Variants in TEAD1 observed in about 807,000 individuals in gnomAD.
TEAD1 encodes the protein transcriptional enhancer factor TEF-1.
TEAD1 carries 9 observed loss-of-function variants against 54.9 expected under a neutral mutation model. That is an observed-to-expected ratio of 0.16 (90% CI 0.10 to 0.29). The LOEUF is 0.29. TEAD1 is among the 10% of genes least tolerant of loss of function. TEAD1 has a pLI of 1.00. For missense variants in TEAD1, 387 were observed against 535.9 expected (o/e 0.72, Z 2.74); for synonymous variants, 200 against 187.8 (o/e 1.07, Z -0.53).
chr11:12,769,279 C>T (rs1357441753), intron 3 of TEAD1, among the ~76,000 whole-genome samples: 1 of 152,112 alleles, frequency 6.6e-6, no homozygotes, highest in African/African-American at 2.4e-5. Flanking sequence ...GACCTGTGCC[C>T]TGCCCACCAG....
At chr11:12,812,434 A>G (rs1485751314) in intron 3 of TEAD1, among the ~76,000 whole-genome samples, 1 of 152,178 alleles carries the variant, frequency 6.6e-6, no homozygotes, top group Non-Finnish European at 1.5e-5. Context: ...AGATGGAAAC[A>G]CTGAACATGT....
At chr11:12,928,161 AC>A (rs1390899982) in intron 11 of TEAD1, among the ~76,000 whole-genome samples, 2 of 152,214 alleles carry the variant, frequency 1.3e-5, no homozygotes, top group African/African-American at 4.8e-5. Flanking sequence ...TGTATGAAAC[AC>A]CATAGCATTT....
chr11:12,900,812 G>A (rs551009712), intron 9 of TEAD1, among the ~76,000 whole-genome samples: 1 of 152,308 alleles, frequency 6.6e-6, no homozygotes, highest in Admixed American at 6.5e-5. Context: ...CTTGGAATGT[G>A]AGCAGACTTG....
At chr11:12,935,948 A>G (rs992495058) in intron 12 of TEAD1, among the ~76,000 whole-genome samples, 1 of 152,152 alleles carries the variant, frequency 6.6e-6, no homozygotes, top group African/African-American at 2.4e-5. Context: ...CTGCAAGACT[A>G]TTCTTTAAGT....
intron 2 of TEAD1, among the ~76,000 whole-genome samples, chr11:12,687,679 C>G (rs999664685): frequency 3.3e-5 from 5 of 152,118 alleles, no homozygotes; most frequent in African/African-American, 1.2e-4. Flanking sequence ...CTTGTGTTTT[C>G]TTGGTGGCCC....
chr11:12,857,785 C>T (rs1321819978), intron 3 of TEAD1, among the ~76,000 whole-genome samples: 1 of 151,990 alleles, frequency 6.6e-6, no homozygotes, highest in Non-Finnish European at 1.5e-5. Flanking sequence ...GAGGGCAGGG[C>T]TGTAGAAATA....
intron 11 of TEAD1, among the ~76,000 whole-genome samples, chr11:12,925,997 T>G (rs1252368996): frequency 6.6e-6 from 1 of 152,236 alleles, no homozygotes. Flanking sequence ...AGATGTATAT[T>G]TGTTTGATCA....
At chr11:12,873,503 C>T (rs952370725) in intron 5 of TEAD1, among the ~76,000 whole-genome samples, 3 of 152,120 alleles carry the variant, frequency 2.0e-5, no homozygotes, top group Non-Finnish European at 4.4e-5. Context: ...ATGGTAAAAG[C>T]CTTGAAAATT....
rs1453536699 is a variant in TEAD1 at position 12,813,230 on chromosome 11, A to T, written c.202+48796A>T. 2.6e-5 allele frequency among the ~76,000 whole-genome samples: 4 copies of T among 152,246 alleles called. 1 individual carries two copies. The highest frequency in any genetic ancestry group is 2.9e-5 in the Non-Finnish European group (2 of 68,010). ...GGAAGCAGCTTCCACCACTTTGGAT[A>T]TTTGGCAATTGGAGGTGGAAGGATG... On this transcript the variant is annotated intron_variant, in intron 3 of 12. Coordinates refer to ENST00000527636, the MANE Select transcript of TEAD1 (RefSeq NM_021961.6).
intron 9 of TEAD1, 52 bp downstream of exon 9, chr11:12,883,177 C>T (rs35211182): frequency 0.012 from 19,416 of 1,612,938 alleles, 135 homozygotes; most frequent in Non-Finnish European, 0.015. Flanking sequence ...TTTCCCTTTA[C>T]TGTTTACCTC....
chr11:12,878,048 C>A (rs894456705), intron 5 of TEAD1, among the ~76,000 whole-genome samples: 1 of 151,996 alleles, frequency 6.6e-6, no homozygotes, highest in Non-Finnish European at 1.5e-5. Context: ...CCCAAGTAAT[C>A]CTCCCACCTC....
chr11:12,761,314 GA>G (rs1270594422), intron 2 of TEAD1, among the ~76,000 whole-genome samples: 1 of 152,136 alleles, frequency 6.6e-6, no homozygotes, highest in Non-Finnish European at 1.5e-5. Context: ...TTCTTATATT[GA>G]GTTGGAATAT....
At chr11:12,832,391 T>TA in intron 3 of TEAD1, among the ~76,000 whole-genome samples, 1 of 152,240 alleles carries the variant, frequency 6.6e-6, no homozygotes, top group East Asian at 1.9e-4. Flanking sequence ...TCCTCAAAGC[T>TA]AAACTGTTTC....
intron 3 of TEAD1, among the ~76,000 whole-genome samples, chr11:12,774,115 C>T (rs12291695): frequency 0.36 from 55,050 of 151,996 alleles, 10,304 homozygotes; most frequent in South Asian, 0.61. Context: ...GCATGCTGTT[C>T]AGAGGCTCTG....
In TEAD1 at chr11:12,685,600, G is replaced by GA. The variant is rs1444912222; in HGVS notation, c.-55+10045dup. 2.6e-5 allele frequency among the ~76,000 whole-genome samples: 4 copies of GA among 152,036 alleles called. No individual in the cohort carries two copies. In the East Asian group the frequency reaches 7.7e-4, roughly 29 times the overall value. Reference sequence around the variant, plus strand: ...CCAGTTGGTTTTAGAGAGGAGCCAGGAAAAAACATATAGTTCGTTTCAAAG... The same window carrying GA: ...CCAGTTGGTTTTAGAGAGGAGCCAGGAAAAAAACATATAGTTCGTTTCAAAG... On this transcript the variant is annotated intron_variant, in intron 2 of 12. Coordinates refer to ENST00000527636, the MANE Select transcript of TEAD1 (RefSeq NM_021961.6).
chr11:12,789,127 A>G (rs756827033), intron 3 of TEAD1, among the ~76,000 whole-genome samples: 11 of 152,242 alleles, frequency 7.2e-5, no homozygotes, highest in Admixed American at 2.6e-4. Flanking sequence ...TGGAATTAAC[A>G]TTGTAAAAGT....
At chr11:12,890,967 G>A (rs556275144) in intron 9 of TEAD1, among the ~76,000 whole-genome samples, 2 of 152,190 alleles carry the variant, frequency 1.3e-5, no homozygotes, top group South Asian at 4.2e-4. Context: ...GTTTTGTCAT[G>A]TTGGCCAGGC....
intron 3 of TEAD1, among the ~76,000 whole-genome samples, chr11:12,841,109 C>T (rs985704155): frequency 6.6e-6 from 1 of 152,146 alleles, no homozygotes; most frequent in African/African-American, 2.4e-5. Flanking sequence ...CAGAGAGGGA[C>T]ACAGACCCAG....
intron 2 of TEAD1, among the ~76,000 whole-genome samples, chr11:12,682,267 A>G (rs1258721290): frequency 6.6e-6 from 1 of 152,230 alleles, no homozygotes; most frequent in Non-Finnish European, 1.5e-5. Context: ...TTTTAAAGAT[A>G]AGCCTGCACA....
Sources: gnomAD v4.1 joint callset for allele counts (sites outside exome capture counted in the v4.1 genomes callset) on GRCh38, gnomAD v4.1.1 for gene constraint, MANE v1.5 for transcripts, NCBI Gene and HGNC (gene_info 2026-07-23, HGNC 2026-07-21) for gene names.